SPAG16: variants seen among roughly 807,000 people sequenced by gnomAD.
The protein encoded by SPAG16 is sperm associated antigen 16.
Under a neutral mutation model 80.4 loss-of-function variants are expected in SPAG16, and 86 were observed. The ratio of observed to expected loss-of-function variants is 1.07; its 90% CI spans 0.90 to 1.28. SPAG16 has a LOEUF of 1.28. Among genes scored for constraint, SPAG16 ranks in the 50% most tolerant of loss-of-function variants. SPAG16 has a pLI of 0.00. For missense variants in SPAG16, 870 were observed against 765.3 expected, an observed-to-expected ratio of 1.14 and a Z score of -1.61; for synonymous variants, 294 against 265.9, an observed-to-expected ratio of 1.11 and a Z score of -1.03.
chr2:213,870,435 T>A (rs899078480), intron 11 of SPAG16, among the ~76,000 whole-genome samples: 2 of 152,168 alleles, frequency 1.3e-5, no homozygotes, highest in African/African-American at 2.4e-5. Context: ...GATAAATAAA[T>A]AAATTTCAAG....
At chr2:213,412,013 G>A (rs1467370611) in intron 9 of SPAG16, among the ~76,000 whole-genome samples, 2 of 152,090 alleles carry the variant, frequency 1.3e-5, no homozygotes, top group Non-Finnish European at 2.9e-5. Context: ...TCAATTCTTT[G>A]CCTTTTACTT....
chr2:213,336,397 C>CA (rs56361042), intron 5 of SPAG16, among the ~76,000 whole-genome samples: 61,571 of 152,092 alleles, frequency 0.4, 13,167 homozygotes, highest in South Asian at 0.68. Context: ...CAAGTGGCCT[C>CA]ACTTCCACAG....
chr2:213,875,486 A>G (rs1223902033), intron 11 of SPAG16, among the ~76,000 whole-genome samples: 1 of 152,160 alleles, frequency 6.6e-6, no homozygotes, highest in Non-Finnish European at 1.5e-5. Context: ...GTGTTTGTCA[A>G]CTAGAAAGTT....
rs188693630 is a variant in SPAG16 at position 213,835,744 on chromosome 2, A to G, written c.1071-26741A>G. 7.9e-5 allele frequency among the ~76,000 whole-genome samples: 12 copies of G among 152,208 alleles called. No individual in the cohort carries two copies. The East Asian group carries it at 1.3e-3, about 17-fold the overall frequency. ...TATTGTACATTCTCACTGGAAAAAT[A>G]CTCTCCAATTTGGAGTTTATAGAAT... On this transcript the variant is annotated intron_variant, in intron 10 of 15. Coordinates refer to ENST00000331683, the MANE Select transcript of SPAG16 (RefSeq NM_024532.5).
chr2:214,366,613 A>C (rs2126080174), intron 15 of SPAG16, among the ~76,000 whole-genome samples: 1 of 152,308 alleles, frequency 6.6e-6, no homozygotes, highest in South Asian at 2.1e-4. Context: ...TATCAAATTA[A>C]GATCTGTGCA....
chr2:213,479,005 TA>T (rs2073587239), intron 9 of SPAG16, among the ~76,000 whole-genome samples: 1 of 151,372 alleles, frequency 6.6e-6, no homozygotes, highest in South Asian at 2.1e-4. Flanking sequence ...ATAATTATAA[TA>T]AAAATTTACT....
chr2:213,967,845 C>T (rs7586959), intron 12 of SPAG16, among the ~76,000 whole-genome samples: 1 of 151,970 alleles, frequency 6.6e-6, no homozygotes, highest in Non-Finnish European at 1.5e-5. Flanking sequence ...TACATTTAGG[C>T]CAATTTTATG....
chr2:213,762,609 C>A (rs555981974), intron 10 of SPAG16, among the ~76,000 whole-genome samples: 9 of 152,234 alleles, frequency 5.9e-5, no homozygotes, highest in African/African-American at 2.2e-4. Context: ...TGAAATTGAA[C>A]CCTTACCTTG....
At chr2:213,647,852 A>G (rs1304673871) in intron 10 of SPAG16, among the ~76,000 whole-genome samples, 1 of 152,180 alleles carries the variant, frequency 6.6e-6, no homozygotes, top group Non-Finnish European at 1.5e-5. Flanking sequence ...CTTCAGGACT[A>G]AACGAGACTT....
At chr2:214,004,327 CA>C (rs2046929476) in intron 12 of SPAG16, among the ~76,000 whole-genome samples, 1 of 152,070 alleles carries the variant, frequency 6.6e-6, no homozygotes, top group Non-Finnish European at 1.5e-5. Flanking sequence ...AGCAGGGACT[CA>C]GTAGAGTCAG....
intron 12 of SPAG16, among the ~76,000 whole-genome samples, chr2:213,959,483 C>G (rs555495251): frequency 3.3e-5 from 5 of 152,182 alleles, no homozygotes; most frequent in Non-Finnish European, 5.9e-5. Flanking sequence ...CCCTAACACA[C>G]CTCATAGTTG....
chr2:213,342,901 C>T (rs889486985), intron 6 of SPAG16, among the ~76,000 whole-genome samples: 3 of 151,598 alleles, frequency 2.0e-5, no homozygotes, highest in Non-Finnish European at 4.4e-5. Context: ...ACTTTTCAGC[C>T]CACAGTTTGA....
intron 10 of SPAG16, among the ~76,000 whole-genome samples, chr2:213,702,809 A>G (rs1393933255): frequency 1.3e-5 from 2 of 152,208 alleles, no homozygotes; most frequent in South Asian, 4.1e-4. Flanking sequence ...GTTGATATAT[A>G]TCAAGAAGAT....
At chr2:213,726,560 C>T (rs2066777192) in intron 10 of SPAG16, among the ~76,000 whole-genome samples, 1 of 152,190 alleles carries the variant, frequency 6.6e-6, no homozygotes, top group African/African-American at 2.4e-5. Context: ...TATTGAGCAA[C>T]ATGAAGATAA....
chr2:213,982,007 CAT>C (rs1431222764), intron 12 of SPAG16, among the ~76,000 whole-genome samples: 1 of 151,244 alleles, frequency 6.6e-6, no homozygotes, highest in Non-Finnish European at 1.5e-5. Context: ...ACAACAGAGA[CAT>C]AGAGAAAATA....
At chr2:213,961,889 A>G (rs1559633446) in intron 12 of SPAG16, among the ~76,000 whole-genome samples, 1 of 151,866 alleles carries the variant, frequency 6.6e-6, no homozygotes, top group Non-Finnish European at 1.5e-5. Context: ...TGTAATATCA[A>G]CCTCATAGAA....
intron 10 of SPAG16, among the ~76,000 whole-genome samples, chr2:213,787,449 G>A (rs1018127553): frequency 6.6e-6 from 1 of 152,026 alleles, no homozygotes; most frequent in Non-Finnish European, 1.5e-5. Context: ...TTAGATGTGT[G>A]TGAGAAACTG....
At chr2:213,970,247 T>C (rs549498664) in intron 12 of SPAG16, among the ~76,000 whole-genome samples, 5 of 152,244 alleles carry the variant, frequency 3.3e-5, no homozygotes, top group African/African-American at 1.2e-4. Context: ...AGACCGTAGC[T>C]GTAGTGAAAT....
intron 14 of SPAG16, among the ~76,000 whole-genome samples, chr2:214,118,634 C>CT (rs1282427081): frequency 1.3e-5 from 2 of 152,102 alleles, no homozygotes; most frequent in Admixed American, 6.5e-5. Flanking sequence ...AACTCACACA[C>CT]TATCACAAGA....
Sources: gnomAD v4.1 joint callset for allele counts (sites outside exome capture counted in the v4.1 genomes callset) on GRCh38, gnomAD v4.1.1 for gene constraint, MANE v1.5 for transcripts, NCBI Gene and HGNC (gene_info 2026-07-23, HGNC 2026-07-21) for gene names.